OIT3: variants seen among roughly 807,000 people sequenced by gnomAD.
The protein encoded by OIT3 is oncoprotein-induced transcript 3 protein.
A neutral mutation model predicts 52.2 loss-of-function variants in OIT3; 41 were observed. That is an observed-to-expected ratio of 0.79 (90% CI 0.61 to 1.02). The LOEUF (loss-of-function observed/expected upper bound fraction) is 1.02, where lower values mean the gene tolerates loss of function less well. OIT3 is among the 50% of genes least tolerant of loss of function. OIT3 has a pLI of 0.00. For synonymous variants in OIT3, 244 were observed against 276.9 expected, an observed-to-expected ratio of 0.88 and a Z score of 1.18; for missense variants, 634 against 715.5, an observed-to-expected ratio of 0.89 and a Z score of 1.30.
At chr10:72,895,376 C>T (rs1056005882) in intron 1 of OIT3, among the ~76,000 whole-genome samples, 1 of 152,120 alleles carries the variant, frequency 6.6e-6, no homozygotes, top group Non-Finnish European at 1.5e-5. Context: ...CATCGCCCTT[C>T]CCAGATCTTT....
rs202088878 is a variant in OIT3, at chr10:72,900,463, C to T, written c.523C>T (p.Pro175Ser). The T allele has an allele frequency of 1.6e-4, 254 of 1,605,106 alleles. 1 individual carries two copies. In the South Asian group the frequency reaches 2.7e-3, roughly 17 times the overall value. Residue 175 changes from proline (P) to serine (S), a missense_variant, in exon 3 of 9, where the codon CCT becomes TCT. By Grantham distance (74) the Pro-to-Ser change is moderately conservative (BLOSUM62 -1). Coordinates refer to ENST00000334011, the MANE Select transcript of OIT3 (RefSeq NM_152635.3). ...CTCAPGTVLGPDRQTCFDENE... is the reference protein window; with the variant it reads ...CTCAPGTVLGSDRQTCFDENE... ...ATGCGCTCCAGGAACTGTGCTAGGCCCTGACAGGCAGACATGCTTTGGTAA... is the reference window on the plus strand; with the variant it reads ...ATGCGCTCCAGGAACTGTGCTAGGCTCTGACAGGCAGACATGCTTTGGTAA...
chr10:72,895,994 C>T (rs748209029), intron 1 of OIT3, among the ~76,000 whole-genome samples: 4 of 152,092 alleles, frequency 2.6e-5, no homozygotes, highest in African/African-American at 9.6e-5. Flanking sequence ...GGGATGGGTA[C>T]GTTAAATGTC....
At position 72,924,627 on chromosome 10, in the gene OIT3, C is replaced by A. The variant is rs1209653687; in HGVS notation, c.1350C>A (p.Tyr450Ter). Residue 450 changes from tyrosine to a stop codon, truncating the protein, a stop_gained, in exon 7 of 9, where the codon TAC becomes TAA. Coordinates refer to ENST00000334011, the MANE Select transcript of OIT3 (RefSeq NM_152635.3). LOFTEE classifies it high-confidence loss of function. ...CCAAGATCGACGAGGTCCTGAAATA[C>A]TACCTCATCCGGGATGGGTAATGCT... is the stretch of plus-strand genomic sequence containing the variant. The part of the protein sequence containing the change: ...PTSKIDEVLK[Y>*]YLIRDGCVSD... 1.2e-6 allele frequency: 2 copies of A among 1,610,528 alleles called. No homozygotes were observed. The highest frequency in any genetic ancestry group is 1.7e-6 in the Non-Finnish European group (2 of 1,177,628).
chr10:72,910,944 C>T (rs993756916), intron 4 of OIT3, among the ~76,000 whole-genome samples: 4 of 152,130 alleles, frequency 2.6e-5, no homozygotes, highest in Non-Finnish European at 5.9e-5. Context: ...AATTTGACAA[C>T]CTCTGACCTA....
Position 72,924,621 on chromosome 10 carries a change from G to A in OIT3, c.1344G>A (p.Leu448=). 1 of 1,612,444 alleles carries A rather than the reference G, an allele frequency of 6.2e-7. No homozygotes were observed. The highest frequency in any genetic ancestry group is 8.5e-7 in the Non-Finnish European group (1 of 1,178,944). Residue 448 remains leucine, a synonymous_variant, in exon 7 of 9, where the codon CTG becomes CTA. Transcript: ENST00000334011. ...ATPTSKIDEV[L]KYYLIRDGCV... ...CCACCTCCAAGATCGACGAGGTCCT[G>A]AAATACTACCTCATCCGGGATGGGT...
chr10:72,927,161 C>T (rs1380315162), intron 7 of OIT3, among the ~76,000 whole-genome samples: 2 of 152,002 alleles, frequency 1.3e-5, no homozygotes, highest in Non-Finnish European at 2.9e-5. Context: ...CTTTTTGAGA[C>T]AGAGTCTCAC....
intron 1 of OIT3, among the ~76,000 whole-genome samples, chr10:72,897,274 T>C (rs1845882980): frequency 6.6e-6 from 1 of 152,200 alleles, no homozygotes; most frequent in African/African-American, 2.4e-5. Context: ...TCCACCCGCC[T>C]CGGCCCCCCA....
chr10:72,893,974 T>G, intron 1 of OIT3, 115 bp downstream of exon 1: 1 of 634,818 alleles, frequency 1.6e-6, no homozygotes, highest in South Asian at 2.6e-5. Context: ...TCTAGAATCT[T>G]GTAAGAAAAG....
chr10:72,924,172 A>G (rs923902291), intron 6 of OIT3, 57 bp from the exon 7 acceptor site: 6 of 1,463,384 alleles, frequency 4.1e-6, no homozygotes, highest in Non-Finnish European at 5.5e-6. Flanking sequence ...AGGGGGAAAA[A>G]AAACTGTAGA....
chr10:72,896,268 C>T (rs1371283347), intron 1 of OIT3, among the ~76,000 whole-genome samples: 1 of 152,002 alleles, frequency 6.6e-6, no homozygotes, highest in African/African-American at 2.4e-5. Context: ...AAAATTAGAG[C>T]CAGGGAGAGG....
In OIT3 at chr10:72,924,611, A is replaced by T; in HGVS notation, c.1334A>T (p.Asp445Val). The change falls in exon 7 of 9, where the codon GAC becomes GTC. Residue 445 changes from aspartate (D) to valine (V), a missense_variant. By Grantham distance (152) the Asp-to-Val change is radical. Coordinates refer to ENST00000334011, the MANE Select transcript of OIT3 (RefSeq NM_152635.3). ...TTTGCCACCCCCACCTCCAAGATCG[A>T]CGAGGTCCTGAAATACTACCTCATC... is the stretch of plus-strand genomic sequence containing the variant. ...SCFATPTSKI[D>V]EVLKYYLIRD... The T allele has an allele frequency of 6.2e-7, 1 of 1,613,418 alleles. No homozygotes were observed.
At chr10:72,924,819 A>C (rs979761394) in intron 7 of OIT3, among the ~76,000 whole-genome samples, 175 bp downstream of exon 7, 1 of 152,140 alleles carries the variant, frequency 6.6e-6, no homozygotes, top group Non-Finnish European at 1.5e-5. Context: ...GAGAGTCAAA[A>C]GTGGCTCCTA....
intron 6 of OIT3, 137 bp downstream of exon 6, chr10:72,913,605 C>T (rs572082713): frequency 1.2e-4 from 95 of 769,908 alleles, no homozygotes; most frequent in South Asian, 7.3e-4. Flanking sequence ...AAACATCTTA[C>T]GTCATTCTTT....
At chr10:72,915,419 T>C (rs1333005049) in intron 6 of OIT3, among the ~76,000 whole-genome samples, 2 of 152,196 alleles carry the variant, frequency 1.3e-5, no homozygotes, top group Non-Finnish European at 2.9e-5. Context: ...CAATTAAGTA[T>C]TGCTCCTAGG....
At chr10:72,905,030 G>T (rs1205907487) in intron 3 of OIT3, among the ~76,000 whole-genome samples, 1 of 152,122 alleles carries the variant, frequency 6.6e-6, no homozygotes, top group African/African-American at 2.4e-5. Context: ...GGGGGAGGTG[G>T]CAGGCTCCTT....
chr10:72,893,856 G>C lies in OIT3; in HGVS notation c.58G>C (p.Val20Leu). ...LFITGTSVSP[V>L]ALDPCSAYIS... is the part of the protein sequence containing the mutation. The stretch of plus-strand genomic sequence containing the variant: ...CATCACAGGCACCTCCGTGTCACCC[G>C]TGGGTGAGTCTCATGTCAAGAACTT... The change falls in exon 1 of 9, where the codon GTG (valine) becomes CTG (leucine). Residue 20 changes from valine to leucine, a missense_variant. By Grantham distance (32) the Val-to-Leu change is conservative. Transcript: ENST00000334011. The C allele has an allele frequency of 5.0e-6, 8 of 1,607,282 alleles. No individual in the cohort carries two copies. Among genetic ancestry groups the C allele is most frequent in the Non-Finnish European group, 6.8e-6 (8 of 1,176,478 alleles).
chr10:72,911,876 A>T (rs529018035), intron 5 of OIT3, 37 bp downstream of exon 5: 1 of 1,573,578 alleles, frequency 6.4e-7, no homozygotes, highest in East Asian at 2.3e-5. Context: ...CTCTACTCTG[A>T]TTACACTTCT....
At chr10:72,926,681 G>A (rs757667615) in intron 7 of OIT3, among the ~76,000 whole-genome samples, 17 of 152,196 alleles carry the variant, frequency 1.1e-4, no homozygotes, top group Non-Finnish European at 1.8e-4. Context: ...TACTCTGGAC[G>A]GCCCGTAGCA....
intron 6 of OIT3, among the ~76,000 whole-genome samples, chr10:72,922,194 G>T (rs1386342129): frequency 1.3e-5 from 2 of 152,054 alleles, no homozygotes; most frequent in African/African-American, 4.8e-5. Flanking sequence ...ATCTTACTGG[G>T]GTTCTCTGCA....
Sources: gnomAD v4.1 joint callset for allele counts (sites outside exome capture counted in the v4.1 genomes callset) on GRCh38, gnomAD v4.1.1 for gene constraint, MANE v1.5 for transcripts, NCBI Gene and HGNC (gene_info 2026-07-23, HGNC 2026-07-21) for gene names.